Variants in NUP210L observed in about 807,000 individuals in gnomAD.
NUP210L encodes the protein nuclear pore membrane glycoprotein 210-like.
NUP210L carries 74 observed loss-of-function variants against 208.5 expected under a neutral mutation model. The ratio of observed to expected loss-of-function variants is 0.35; its 90% CI spans 0.29 to 0.43. NUP210L has a LOEUF of 0.43. Ranked by LOEUF, NUP210L falls within the 20% of genes least tolerant of loss-of-function variation. NUP210L has a pLI of 1.00. For missense variants in NUP210L, 1,843 were observed against 2,289.4 expected (o/e 0.81, Z 3.98); for synonymous variants, 780 against 816.9 (o/e 0.95, Z 0.77).
At chr1:154,054,549 A>T (rs1653704716) in intron 24 of NUP210L, 142 bp from the exon 25 acceptor site, 1 of 815,750 alleles carries the variant, frequency 1.2e-6, no homozygotes, top group Admixed American at 2.6e-5. Context: ...TCAAATGCAG[A>T]AGAAATGGAA....
chr1:154,109,768 C>T (rs1229807842), intron 12 of NUP210L, among the ~76,000 whole-genome samples: 1 of 151,400 alleles, frequency 6.6e-6, no homozygotes, highest in African/African-American at 2.4e-5. Flanking sequence ...TATACAAACA[C>T]ATTGAAATTA....
intron 35 of NUP210L, among the ~76,000 whole-genome samples, chr1:154,005,158 T>C (rs1650445800): frequency 1.3e-5 from 2 of 151,130 alleles, no homozygotes; most frequent in African/African-American, 4.9e-5. Flanking sequence ...GCCTCCTCTT[T>C]TCTTTTTCTT....
chr1:154,003,629 G>T (rs1650341399), intron 35 of NUP210L, among the ~76,000 whole-genome samples: 1 of 151,510 alleles, frequency 6.6e-6, no homozygotes, highest in Non-Finnish European at 1.5e-5. Flanking sequence ...CAGAGCTAGG[G>T]CTACAGGTGC....
intron 33 of NUP210L, among the ~76,000 whole-genome samples, chr1:154,012,959 T>C (rs573185028): frequency 2.4e-4 from 33 of 137,780 alleles, no homozygotes; most frequent in African/African-American, 8.6e-4. Context: ...TGAGCCGACA[T>C]TGCGCCATTA....
chr1:154,045,765 T>C (rs533427553), intron 27 of NUP210L, among the ~76,000 whole-genome samples: 74 of 152,144 alleles, frequency 4.9e-4, no homozygotes, highest in Non-Finnish European at 8.2e-4. Context: ...GTGGATCACC[T>C]AAGCTCAGGA....
At chr1:154,053,510 T>C (rs2147983595) in intron 25 of NUP210L, among the ~76,000 whole-genome samples, 1 of 152,360 alleles carries the variant, frequency 6.6e-6, no homozygotes, top group East Asian at 1.9e-4. Context: ...ATGTTCGTTA[T>C]GGCCATGATG....
chr1:154,078,294 T>A (rs1484301900), intron 16 of NUP210L, among the ~76,000 whole-genome samples: 3 of 147,390 alleles, frequency 2.0e-5, no homozygotes, highest in Middle Eastern at 3.4e-3. Context: ...CAGAGGAAGA[T>A]CCTATCTCCA....
At chr1:154,046,032 A>G (rs201008459) in intron 27 of NUP210L, 37 bp downstream of exon 27, 1 of 1,550,334 alleles carries the variant, frequency 6.5e-7, no homozygotes, top group African/African-American at 1.4e-5. Context: ...TAATATCAAG[A>G]TCCCTAAGAT....
chr1:154,066,979 C>T (rs961927110), intron 17 of NUP210L, among the ~76,000 whole-genome samples: 6 of 152,120 alleles, frequency 3.9e-5, no homozygotes, highest in South Asian at 2.1e-4. Context: ...AAGTCCAGGA[C>T]CAGACGGATT....
At chr1:154,064,321 G>A (rs1440753568) in intron 17 of NUP210L, among the ~76,000 whole-genome samples, 2 of 152,020 alleles carry the variant, frequency 1.3e-5, no homozygotes, top group Non-Finnish European at 2.9e-5. Flanking sequence ...GGACATCAGC[G>A]AATGGGACAT....
intron 22 of NUP210L, 101 bp from the exon 23 acceptor site, chr1:154,057,048 A>C: frequency 5.4e-6 from 6 of 1,119,746 alleles, no homozygotes; most frequent in Non-Finnish European, 7.7e-6. Context: ...GCATGATCTC[A>C]GCTCATTGCA....
chr1:154,007,108 G>A lies in NUP210L; in HGVS notation c.4930+2864C>T, dbSNP rs554547847. The stretch of plus-strand genomic sequence containing the variant: ...CTCCCAAATAGCTGGGATTACAGGC[G>A]CCCGCCACCATGCCTGGCTAATTTT... On this transcript the variant is annotated intron_variant, in intron 35 of 39. Coordinates refer to ENST00000368559, the Ensembl canonical transcript of NUP210L. 1.7e-4 allele frequency among the ~76,000 whole-genome samples: 24 copies of A among 137,302 alleles called. No homozygotes were observed. In the East Asian group the frequency reaches 2.5e-3, roughly 14 times the overall value. The allele number at this position is 137,302 out of a possible 152,430, so 90.1% of individuals were successfully genotyped here. A position where few individuals can be genotyped will look rare whatever the true frequency, so the allele number is the denominator to read the frequency against.
chr1:154,012,561 T>TA (rs397716384), intron 33 of NUP210L, among the ~76,000 whole-genome samples, 191 bp from the exon 34 acceptor site: 2 of 151,288 alleles, frequency 1.3e-5, no homozygotes, highest in East Asian at 1.9e-4. Flanking sequence ...TTTTTTTTTT[T>TA]AATCAGGGTC....
chr1:154,043,658 A>C (rs1653015345), intron 27 of NUP210L, among the ~76,000 whole-genome samples: 1 of 123,154 alleles, frequency 8.1e-6, no homozygotes, highest in Admixed American at 8.9e-5. Flanking sequence ...ATAGAATCTC[A>C]CTTTGTCGCC....
At chr1:154,084,615 G>C (rs1655529624) in intron 16 of NUP210L, among the ~76,000 whole-genome samples, 1 of 151,532 alleles carries the variant, frequency 6.6e-6, no homozygotes, top group African/African-American at 2.4e-5. Flanking sequence ...TATTTATTTT[G>C]AGACCAGGTT....
At chr1:154,070,919 G>A (rs925877566) in intron 16 of NUP210L, among the ~76,000 whole-genome samples, 5 of 152,018 alleles carry the variant, frequency 3.3e-5, no homozygotes, top group African/African-American at 7.2e-5. Flanking sequence ...ATTTTTATAC[G>A]TTTTTTAGTT....
chr1:154,064,984 G>A (rs1654323727), intron 17 of NUP210L, among the ~76,000 whole-genome samples: 2 of 151,938 alleles, frequency 1.3e-5, no homozygotes, highest in African/African-American at 2.4e-5. Context: ...GCTGAGGCAG[G>A]AGAATCGCTT....
At chr1:154,112,182 C>A (rs1452806600) in intron 12 of NUP210L, among the ~76,000 whole-genome samples, 1,685 of 151,236 alleles carry the variant, frequency 0.011, 46 homozygotes, top group African/African-American at 0.041. Context: ...CTGCCTCAGC[C>A]TCTCAAAGTG....
intron 35 of NUP210L, among the ~76,000 whole-genome samples, chr1:154,008,147 C>T (rs145108951): frequency 7.3e-4 from 111 of 152,082 alleles, no homozygotes; most frequent in African/African-American, 2.4e-3. Context: ...GCTGGGATTA[C>T]GAGCGTGAGC....
Sources: allele counts gnomAD v4.1 joint callset (sites outside exome capture counted in the v4.1 genomes callset), GRCh38; gene constraint gnomAD v4.1.1; transcripts MANE v1.5; gene names NCBI Gene and HGNC (gene_info 2026-07-23, HGNC 2026-07-21).